Variants in AMD1 observed in about 807,000 individuals in gnomAD.
AMD1 encodes the protein S-adenosylmethionine decarboxylase proenzyme.
Under a neutral mutation model 40.2 loss-of-function variants are expected in AMD1, and 11 were observed. The observed-to-expected ratio is 0.27, with a 90% CI of 0.17 to 0.45. The LOEUF (loss-of-function observed/expected upper bound fraction) is 0.45. Among genes scored for constraint, AMD1 ranks in the 20% least tolerant of loss-of-function variants. The probability of loss-of-function intolerance (pLI) is 1.00; values close to 1 mark genes in which losing one functional copy is unlikely to be tolerated. For synonymous variants in AMD1, 121 were observed against 130.8 expected, an observed-to-expected ratio of 0.93 and a Z score of 0.51; for missense variants, 257 against 410.2, an observed-to-expected ratio of 0.63 and a Z score of 3.23.
the AMD1 span, among the ~76,000 whole-genome samples, chr6:110,830,730 C>A: frequency 6.6e-6 from 1 of 152,152 alleles, no homozygotes; most frequent in African/African-American, 2.4e-5. Flanking sequence ...AGCTTGCCCT[C>A]GAATTCTTTC....
chr6:110,876,184 T>A (rs1414875993), intron 1 of AMD1, among the ~76,000 whole-genome samples: 1 of 152,196 alleles, frequency 6.6e-6, no homozygotes, highest in Non-Finnish European at 1.5e-5. Flanking sequence ...GCTGTGGAAA[T>A]CCATGCTTAT....
At position 110,892,796 on chromosome 6, in the gene AMD1, G is replaced by A; in HGVS notation, c.677G>A (p.Cys226Tyr). 6.2e-7 allele frequency: 1 copy of A among 1,614,064 alleles called. No homozygotes were observed. The highest frequency in any genetic ancestry group is 8.5e-7 in the Non-Finnish European group (1 of 1,179,994). ...ATTGATGCCACAATGTTCAATCCTT[G>A]TGGGTATTCGATGAATGGAATGAAA... The part of the protein sequence containing the change: ...SVIDATMFNP[C>Y]GYSMNGMKSD... Residue 226 changes from cysteine (C) to tyrosine (Y), a missense_variant, in exon 7 of 9, where the codon TGT (cysteine) becomes TAT (tyrosine). Cys to Tyr is a radical substitution (Grantham distance 194). Transcript: ENST00000368885.
the AMD1 span, among the ~76,000 whole-genome samples, chr6:110,840,752 G>T: frequency 1.3e-5 from 2 of 151,836 alleles, no homozygotes; most frequent in African/African-American, 2.4e-5. Context: ...AAAGGGTTGG[G>T]GGGGTGGGGG....
At chr6:110,815,866 C>G in the AMD1 span, 1 of 152,336 alleles carries the variant, frequency 6.6e-6, no homozygotes, top group Non-Finnish European at 1.5e-5. Flanking sequence ...GACAGTTGTA[C>G]CGCAGCTTGT....
chr6:110,892,731 C>CA lies in AMD1; in HGVS notation c.616-4_616-3insA, dbSNP rs761733807. 5 of 1,611,666 alleles carry CA rather than the reference C, an allele frequency of 3.1e-6. No homozygotes were observed. The highest frequency in any genetic ancestry group is 3.4e-6 in the Non-Finnish European group (4 of 1,179,140). ...TGTTAAACTCGGTCTTTTTCCCCCC[C>CA]CAGGAGAGTGGAATTCGTGACCTGA... On this transcript the variant is annotated splice_region_variant and splice_polypyrimidine_tract_variant and intron_variant, in intron 6 of 8. Coordinates refer to ENST00000368885, the MANE Select transcript of AMD1 (RefSeq NM_001634.6).
the AMD1 span, chr6:110,815,914 C>G: frequency 6.6e-6 from 1 of 152,290 alleles, no homozygotes; most frequent in African/African-American, 2.4e-5. Context: ...ATTGCCCCGC[C>G]CCCCGTCCCG....
the AMD1 span, among the ~76,000 whole-genome samples, chr6:110,852,623 A>C: frequency 6.6e-6 from 1 of 152,214 alleles, no homozygotes; most frequent in Non-Finnish European, 1.5e-5. Flanking sequence ...GTCATATCTA[A>C]TAAAGGCACA....
the AMD1 span, among the ~76,000 whole-genome samples, chr6:110,846,326 CATT>C: frequency 6.6e-6 from 1 of 152,074 alleles, no homozygotes; most frequent in African/African-American, 2.4e-5. Context: ...GTGAAAAAAA[CATT>C]AATGAGGAAG....
chr6:110,883,110 G>A (rs777752935), intron 1 of AMD1, among the ~76,000 whole-genome samples: 13 of 152,168 alleles, frequency 8.5e-5, no homozygotes, highest in African/African-American at 2.2e-4. Context: ...GGGTGACAGT[G>A]AGACTGGCTC....
At chr6:110,841,906 A>G in the AMD1 span, among the ~76,000 whole-genome samples, 1 of 152,106 alleles carries the variant, frequency 6.6e-6, no homozygotes, top group African/African-American at 2.4e-5. Flanking sequence ...GGGATTGAGC[A>G]ATTCTCCTGC....
chr6:110,825,070 G>A, the AMD1 span, among the ~76,000 whole-genome samples: 3 of 152,160 alleles, frequency 2.0e-5, no homozygotes, highest in African/African-American at 7.2e-5. Context: ...AAGACCCCCT[G>A]AAGCCCAGAT....
At chr6:110,880,798 G>A (rs1200804104) in intron 1 of AMD1, among the ~76,000 whole-genome samples, 3 of 151,964 alleles carry the variant, frequency 2.0e-5, no homozygotes, top group Non-Finnish European at 4.4e-5. Context: ...TCAGCCTCAC[G>A]AGTAGCTGGG....
At chr6:110,850,767 G>A in the AMD1 span, among the ~76,000 whole-genome samples, 2 of 152,156 alleles carry the variant, frequency 1.3e-5, no homozygotes, top group Non-Finnish European at 2.9e-5. Flanking sequence ...AGCAGCTGGA[G>A]GTAGCTCTAA....
At chr6:110,822,518 A>T in the AMD1 span, among the ~76,000 whole-genome samples, 1 of 152,168 alleles carries the variant, frequency 6.6e-6, no homozygotes, top group African/African-American at 2.4e-5. Flanking sequence ...ATTCCAAAAG[A>T]TTGTGAAAGA....
At chr6:110,832,675 C>T in the AMD1 span, among the ~76,000 whole-genome samples, 9 of 152,272 alleles carry the variant, frequency 5.9e-5, no homozygotes, top group Non-Finnish European at 1.2e-4. Context: ...TAAATTTTAA[C>T]TTATCACCAC....
In AMD1 at chr6:110,887,361, T is replaced by A. The variant is rs1785756483; in HGVS notation, c.111-144T>A. ...TATCATTTATCTGGGTGTGTCAATA[T>A]AGATTATTTTGAAAGAAACTAAAAG... On this transcript the variant is annotated intron_variant, in intron 1 of 8. Transcript: ENST00000368885. 9.3e-6 allele frequency: 5 copies of A among 539,488 alleles called. No individual in the cohort carries two copies. In the Admixed American group the frequency reaches 1.9e-4, roughly 20 times the overall value. 33.4% of individuals were successfully genotyped at this position (539,488 alleles called of 1,614,324 possible).
chr6:110,881,063 A>G (rs1351169874), intron 1 of AMD1, among the ~76,000 whole-genome samples: 1 of 152,242 alleles, frequency 6.6e-6, no homozygotes, highest in African/African-American at 2.4e-5. Context: ...AAAATGTGGC[A>G]TGCCACTAAA....
chr6:110,864,783 A>C, the AMD1 span, among the ~76,000 whole-genome samples: 2 of 152,238 alleles, frequency 1.3e-5, no homozygotes, highest in South Asian at 4.1e-4. Context: ...CCCTAGACAC[A>C]GCAAGAGGGG....
the AMD1 span, among the ~76,000 whole-genome samples, chr6:110,826,153 AC>A: frequency 1.5e-5 from 2 of 136,448 alleles, no homozygotes; most frequent in East Asian, 2.1e-4. Context: ...GGCAACAGAG[AC>A]CCTGTCTCAT....
Sources: allele counts gnomAD v4.1 joint callset (sites outside exome capture counted in the v4.1 genomes callset), GRCh38; gene constraint gnomAD v4.1.1; transcripts MANE v1.5; gene names NCBI Gene and HGNC (gene_info 2026-07-23, HGNC 2026-07-21).